GRIP1: variants seen among roughly 807,000 people sequenced by gnomAD.
GRIP1 encodes the protein glutamate receptor-interacting protein 1.
GRIP1 carries 45 observed loss-of-function variants against 129.9 expected under a neutral mutation model. The observed-to-expected ratio is 0.35, with a 90% CI of 0.27 to 0.44. The LOEUF is 0.44. Ranked by LOEUF, GRIP1 falls within the 20% of genes least tolerant of loss-of-function variation. The probability of loss-of-function intolerance (pLI) is 1.00; values close to 1 mark genes in which losing one functional copy is unlikely to be tolerated. For missense variants in GRIP1, 1,196 were observed against 1,396.8 expected (o/e 0.86, Z 2.29); for synonymous variants, 530 against 520.8 (o/e 1.02, Z -0.24).
chr12:67,041,394 G>GGA (rs763793881), intron 1 of GRIP1, among the ~76,000 whole-genome samples: 1 of 151,740 alleles, frequency 6.6e-6, no homozygotes, highest in African/African-American at 2.4e-5. Context: ...ACATATATAT[G>GGA]GAGAGAGAGA....
intron 1 of GRIP1, among the ~76,000 whole-genome samples, chr12:66,769,202 T>C (rs2136710665): frequency 6.6e-6 from 1 of 151,808 alleles, no homozygotes; most frequent in African/African-American, 2.4e-5. Flanking sequence ...GTATTCACTG[T>C]ACGAATCTTT....
At chr12:66,737,190 A>ACAAC (rs2036631708) in intron 1 of GRIP1, among the ~76,000 whole-genome samples, 8 of 152,290 alleles carry the variant, frequency 5.3e-5, no homozygotes, top group Admixed American at 5.2e-4. Flanking sequence ...CTTAGGTTGC[A>ACAAC]GTTCACTGTG....
At chr12:66,862,728 A>T (rs1268994) in intron 1 of GRIP1, among the ~76,000 whole-genome samples, 2 of 152,046 alleles carry the variant, frequency 1.3e-5, no homozygotes, top group Non-Finnish European at 2.9e-5. Flanking sequence ...AGCTTTATCA[A>T]CCTCCGAGGG....
chr12:66,521,649 T>A, intron 5 of GRIP1, among the ~76,000 whole-genome samples: 1 of 152,160 alleles, frequency 6.6e-6, no homozygotes, highest in Non-Finnish European at 1.5e-5. Context: ...TGCCAGACAG[T>A]GGGTGCAGGA....
At chr12:66,520,094 A>G (rs748880083) in intron 5 of GRIP1, among the ~76,000 whole-genome samples, 3 of 152,222 alleles carry the variant, frequency 2.0e-5, no homozygotes, top group African/African-American at 4.8e-5. Context: ...TGCAAGTTCC[A>G]TTCTATTAGG....
chr12:66,526,712 C>A (rs1288661987), intron 5 of GRIP1, among the ~76,000 whole-genome samples: 1 of 151,484 alleles, frequency 6.6e-6, no homozygotes, highest in Non-Finnish European at 1.5e-5. Flanking sequence ...TTCTGCACAG[C>A]AAAAGAAACT....
chr12:66,449,376 A>G (rs2058713217), intron 11 of GRIP1, among the ~76,000 whole-genome samples: 1 of 152,108 alleles, frequency 6.6e-6, no homozygotes. Context: ...GTCATTCTTC[A>G]GGGCCCAGGT....
At chr12:66,630,519 G>T (rs931966264) in intron 1 of GRIP1, among the ~76,000 whole-genome samples, 5 of 64,192 alleles carry the variant, frequency 7.8e-5, no homozygotes. Context: ...AGAATGAATC[G>T]CATTTGCCAG....
At chr12:66,794,265 T>C (rs752706369) in intron 1 of GRIP1, among the ~76,000 whole-genome samples, 5 of 152,196 alleles carry the variant, frequency 3.3e-5, no homozygotes, top group Non-Finnish European at 7.3e-5. Flanking sequence ...AGTAATGAGA[T>C]AGGTTTCTGT....
intron 1 of GRIP1, among the ~76,000 whole-genome samples, chr12:67,025,690 C>T (rs964060052): frequency 1.3e-5 from 2 of 152,124 alleles, no homozygotes; most frequent in African/African-American, 4.8e-5. Flanking sequence ...AATTCCTACA[C>T]CTGCCACCAG....
At chr12:66,722,109 T>C (rs1483184983) in intron 1 of GRIP1, among the ~76,000 whole-genome samples, 2 of 152,216 alleles carry the variant, frequency 1.3e-5, no homozygotes, top group African/African-American at 4.8e-5. Flanking sequence ...GTAGCACTTT[T>C]AATTTCTTTC....
At chr12:67,042,726 C>T (rs984008356) in intron 1 of GRIP1, among the ~76,000 whole-genome samples, 1 of 152,142 alleles carries the variant, frequency 6.6e-6, no homozygotes, top group Non-Finnish European at 1.5e-5. Context: ...ACAATTAGAA[C>T]AGTACCAGAT....
intron 1 of GRIP1, among the ~76,000 whole-genome samples, chr12:66,925,911 T>C (rs977969088): frequency 2.6e-5 from 4 of 152,220 alleles, no homozygotes; most frequent in Non-Finnish European, 5.9e-5. Context: ...TCCAAAGTGC[T>C]GGGATTATAG....
At chr12:66,351,781 AGT>A (rs2054237979) in intron 24 of GRIP1, among the ~76,000 whole-genome samples, 1 of 152,128 alleles carries the variant, frequency 6.6e-6, no homozygotes, top group African/African-American at 2.4e-5. Flanking sequence ...CCTCTAAACT[AGT>A]GGTTTTCAAT....
chr12:66,434,063 C>T (rs1036093822), intron 13 of GRIP1, among the ~76,000 whole-genome samples: 2 of 152,196 alleles, frequency 1.3e-5, no homozygotes, highest in Admixed American at 6.5e-5. Context: ...ACCTCTCATC[C>T]TTTCTGAGGA....
chr12:66,809,803 G>A (rs924771187), intron 1 of GRIP1, among the ~76,000 whole-genome samples: 10 of 151,878 alleles, frequency 6.6e-5, no homozygotes, highest in African/African-American at 1.9e-4. Context: ...CGGACTACAG[G>A]CATGTCTCAC....
chr12:67,004,877 A>G (rs2042604686), intron 1 of GRIP1, among the ~76,000 whole-genome samples: 3 of 152,212 alleles, frequency 2.0e-5, no homozygotes, highest in Non-Finnish European at 4.4e-5. Flanking sequence ...ACAATCATGA[A>G]CAAATACTGA....
chr12:66,372,002 A>G, intron 22 of GRIP1, 75 bp from the exon 23 acceptor site: 2 of 954,876 alleles, frequency 2.1e-6, no homozygotes, highest in Non-Finnish European at 3.3e-6. Flanking sequence ...CAGTAAGCAC[A>G]TTTCTCCTTC....
intron 1 of GRIP1, among the ~76,000 whole-genome samples, chr12:66,797,133 C>A (rs1264887582): frequency 6.6e-6 from 1 of 152,074 alleles, no homozygotes; most frequent in African/African-American, 2.4e-5. Context: ...ATTAAAAATT[C>A]TATTATATTC....
Sources: gnomAD v4.1 joint callset for allele counts (sites outside exome capture counted in the v4.1 genomes callset) on GRCh38, gnomAD v4.1.1 for gene constraint, MANE v1.5 for transcripts, NCBI Gene and HGNC (gene_info 2026-07-23, HGNC 2026-07-21) for gene names.